NPNT: variants seen among roughly 807,000 people sequenced by gnomAD.
The protein encoded by NPNT is nephronectin, also known as preosteoblast EGF-like repeat protein with MAM domain.
In NPNT, 45 loss-of-function variants were observed where a neutral mutation model predicts 68.6. That is an observed-to-expected ratio of 0.66 (90% confidence interval 0.52 to 0.84). The LOEUF (loss-of-function observed/expected upper bound fraction) is 0.84. Ranked by LOEUF, NPNT falls within the 40% of genes least tolerant of loss-of-function variation. NPNT has a pLI of 0.00. For synonymous variants in NPNT, 233 were observed against 253.3 expected (o/e 0.92, Z 0.76); for missense variants, 672 against 714.8 (o/e 0.94, Z 0.68).
intron 2 of NPNT, among the ~76,000 whole-genome samples, chr4:105,899,542 C>T (rs1726228298): frequency 6.6e-6 from 1 of 152,172 alleles, no homozygotes; most frequent in Non-Finnish European, 1.5e-5. Flanking sequence ...GAGTTACCAC[C>T]ATCTCCCTTT....
chr4:105,960,405 C>G (rs754409171), intron 10 of NPNT, among the ~76,000 whole-genome samples: 1 of 152,176 alleles, frequency 6.6e-6, no homozygotes, highest in Non-Finnish European at 1.5e-5. Flanking sequence ...GATTTTCATG[C>G]ATTTCTAGCA....
chr4:105,927,595 CT>C (rs1728790147), intron 3 of NPNT, 167 bp downstream of exon 3: 1 of 382,832 alleles, frequency 2.6e-6, no homozygotes, highest in East Asian at 4.2e-5. Flanking sequence ...TGTAAAATTT[CT>C]TTTATCAAAG....
At chr4:105,947,931 T>A (rs1320424726) in intron 8 of NPNT, among the ~76,000 whole-genome samples, 6 of 152,198 alleles carry the variant, frequency 3.9e-5, no homozygotes, top group South Asian at 2.1e-4. Flanking sequence ...AATCTCCAGA[T>A]GTTTTTTCCT....
At chr4:105,930,138 C>CA (rs1361151317) in intron 3 of NPNT, among the ~76,000 whole-genome samples, 1 of 152,116 alleles carries the variant, frequency 6.6e-6, no homozygotes, top group Admixed American at 6.5e-5. Context: ...GCCCTCCTCA[C>CA]AAAAAAGCAG....
intron 5 of NPNT, among the ~76,000 whole-genome samples, 179 bp downstream of exon 5, chr4:105,938,599 G>T (rs1001061590): frequency 2.0e-5 from 3 of 152,204 alleles, no homozygotes; most frequent in Non-Finnish European, 4.4e-5. Context: ...TGGGAGCGTT[G>T]TTTTTTAAAA....
chr4:105,900,837 T>G (rs1275023400), intron 2 of NPNT, among the ~76,000 whole-genome samples: 2 of 141,422 alleles, frequency 1.4e-5, no homozygotes, highest in East Asian at 1.9e-4. Context: ...CTTGGTTGTT[T>G]TTTTTTTTTT....
Position 105,895,530 on chromosome 4 carries a change from A to G in NPNT, c.-123A>G, listed in dbSNP as rs938469085. 5 of 768,008 alleles carry G rather than the reference A, an allele frequency of 6.5e-6. No homozygotes were observed. The African/African-American group carries it at 7.4e-5, about 11-fold the overall frequency. 47.6% of individuals were successfully genotyped at this position (768,008 alleles called of 1,614,324 possible). A position where few individuals can be genotyped will look rare whatever the true frequency, so the allele number is the denominator to read the frequency against. ...GCTGTCCTCCGGGAGCGGCAGCAGT[A>G]GCCCGGGCGGCGAGGGCTGGGGGTT... On this transcript the variant is annotated 5_prime_UTR_variant, in exon 1 of 12. Coordinates refer to ENST00000379987, the MANE Select transcript of NPNT (RefSeq NM_001033047.3).
chr4:105,942,028 A>G (rs902131423), intron 7 of NPNT, among the ~76,000 whole-genome samples: 8 of 152,130 alleles, frequency 5.3e-5, no homozygotes, highest in Non-Finnish European at 1.2e-4. Flanking sequence ...CAAATAATAC[A>G]TATAAATTAT....
At chr4:105,963,358 G>A (rs1283423392) in intron 10 of NPNT, among the ~76,000 whole-genome samples, 1 of 152,122 alleles carries the variant, frequency 6.6e-6, no homozygotes, top group Admixed American at 6.6e-5. Context: ...TTTTAATGAT[G>A]TGCAGTTCTA....
rs1413022324 is a variant in NPNT at position 105,958,337 on chromosome 4, A to G, written c.1160-134A>G. 2.8e-5 allele frequency: 13 copies of G among 471,400 alleles called. 1 individual carries two copies. The Admixed American group carries it at 5.2e-4, about 19-fold the overall frequency. The allele number at this position is 471,400 out of a possible 1,614,324, so 29.2% of individuals were successfully genotyped here. On this transcript the variant is annotated intron_variant, in intron 8 of 11. Transcript: ENST00000379987. ...ATTCGTGAATCTTCATGTGATATAT[A>G]ATTAAATATTTTGGATTCATCCAGA...
In NPNT at chr4:105,938,343, A is replaced by G. The variant is rs746290947; in HGVS notation, c.428A>G (p.Asp143Gly). ...CSMANCQYGC[D>G]VVKGQIRCQC... ...ATGGCAAACTGTCAGTATGGCTGTG[A>G]TGTTGTTAAAGGACAAATACGGTGC... The change falls in exon 5 of 12, where the codon GAT (aspartate) becomes GGT (glycine). Residue 143 changes from aspartate (D) to glycine (G), a missense_variant. Asp to Gly is a moderately conservative substitution (Grantham distance 94). Coordinates refer to ENST00000379987, the MANE Select transcript of NPNT (RefSeq NM_001033047.3). 5.0e-6 allele frequency: 8 copies of G among 1,613,734 alleles called. No homozygotes were observed. In the South Asian group the frequency reaches 6.6e-5, roughly 13 times the overall value.
At chr4:105,906,287 G>A (rs983538773) in intron 2 of NPNT, among the ~76,000 whole-genome samples, 30 of 152,172 alleles carry the variant, frequency 2.0e-4, no homozygotes, top group African/African-American at 6.5e-4. Flanking sequence ...AGTTCTGAAC[G>A]AAGACTTTCA....
intron 2 of NPNT, chr4:105,912,047 GA>G (rs1578592400): frequency 1.5e-6 from 1 of 653,892 alleles, no homozygotes; most frequent in Non-Finnish European, 2.7e-6. Flanking sequence ...ACATGTCCTA[GA>G]TTTTTTTTTG....
chr4:105,966,979 T>C (rs1434016575), intron 10 of NPNT, among the ~76,000 whole-genome samples: 1 of 152,094 alleles, frequency 6.6e-6, no homozygotes, highest in Non-Finnish European at 1.5e-5. Context: ...ACTTGTACTT[T>C]CCATGAGCAA....
chr4:105,957,311 C>A (rs1386698070), intron 8 of NPNT, among the ~76,000 whole-genome samples: 1 of 152,154 alleles, frequency 6.6e-6, no homozygotes, highest in East Asian at 1.9e-4. Flanking sequence ...ATGTAAGATC[C>A]AGACCCTCAG....
At chr4:105,945,069 A>G (rs976621726) in intron 8 of NPNT, among the ~76,000 whole-genome samples, 1 of 152,182 alleles carries the variant, frequency 6.6e-6, no homozygotes, top group African/African-American at 2.4e-5. Flanking sequence ...TTTTTAGGTG[A>G]TGTTAATTAT....
At chr4:105,951,516 A>G (rs1356872070) in intron 8 of NPNT, among the ~76,000 whole-genome samples, 1 of 152,170 alleles carries the variant, frequency 6.6e-6, no homozygotes, top group African/African-American at 2.4e-5. Context: ...CTGTGTAGTG[A>G]TAAGTAAAAA....
At chr4:105,908,713 GC>G (rs1342851124) in intron 2 of NPNT, among the ~76,000 whole-genome samples, 1 of 151,706 alleles carries the variant, frequency 6.6e-6, no homozygotes, top group Non-Finnish European at 1.5e-5. Context: ...ATAGGCACCC[GC>G]CCACCACACC....
At chr4:105,948,750 A>G (rs1214282544) in intron 8 of NPNT, among the ~76,000 whole-genome samples, 3 of 152,058 alleles carry the variant, frequency 2.0e-5, no homozygotes, top group African/African-American at 7.2e-5. Context: ...CCTCCCAAGT[A>G]GCTGGGTGGC....
Sources: gnomAD v4.1 joint callset for allele counts (sites outside exome capture counted in the v4.1 genomes callset) on GRCh38, gnomAD v4.1.1 for gene constraint, MANE v1.5 for transcripts, NCBI Gene and HGNC (gene_info 2026-07-23, HGNC 2026-07-21) for gene names.